JMJD1C: variants seen among roughly 807,000 people sequenced by gnomAD.
The protein encoded by JMJD1C is jumonji domain containing 1C.
A neutral mutation model predicts 245.3 loss-of-function variants in JMJD1C; 31 were observed. The observed-to-expected ratio is 0.13, with a 90% confidence interval of 0.09 to 0.17. JMJD1C has a LOEUF of 0.17. Among genes scored for constraint, JMJD1C ranks in the 10% least tolerant of loss-of-function variants. JMJD1C has a pLI of 1.00. For missense variants in JMJD1C, 2,691 were observed against 3,000.2 expected (o/e 0.90, Z 2.41); for synonymous variants, 1,057 against 1,017.4 (o/e 1.04, Z -0.74).
At chr10:63,295,714 T>C (rs1859296201) in intron 2 of JMJD1C, among the ~76,000 whole-genome samples, 1 of 152,052 alleles carries the variant, frequency 6.6e-6, no homozygotes, top group South Asian at 2.1e-4. Context: ...TTGTTATGCA[T>C]GGTAGTTACG....
chr10:63,498,097 C>A (rs1954418444), intron 1 of JMJD1C, among the ~76,000 whole-genome samples: 1 of 152,040 alleles, frequency 6.6e-6, no homozygotes, highest in Non-Finnish European at 1.5e-5. Context: ...TATACTACAG[C>A]AATGAAATCA....
At position 63,358,082 on chromosome 10, in the gene JMJD1C, G is replaced by A. The variant is rs543042776; in HGVS notation, c.333+22236C>T. Among the ~76,000 whole-genome samples the A allele has an allele frequency of 4.9e-3, 752 of 152,070 alleles. 7 individuals carry two copies. Among genetic ancestry groups the A allele is most frequent in the Middle Eastern group, 0.014 (4 of 292 alleles). Reference sequence around the variant, plus strand: ...CTTGGCTGTTTTGAATTACAATAATGAAAAAGTGAAAATCCCAAGTAATTC... The same window carrying A: ...CTTGGCTGTTTTGAATTACAATAATAAAAAAGTGAAAATCCCAAGTAATTC... On this transcript the variant is annotated intron_variant, in intron 2 of 25. Coordinates refer to ENST00000399262, the MANE Select transcript of JMJD1C (RefSeq NM_032776.3).
intron 2 of JMJD1C, among the ~76,000 whole-genome samples, chr10:63,374,868 T>A (rs1946597534): frequency 6.6e-6 from 1 of 152,208 alleles, no homozygotes; most frequent in Non-Finnish European, 1.5e-5. Context: ...GCAGAGATTT[T>A]GTACTTGCTA....
chr10:63,288,263 A>G (rs1484284453), intron 2 of JMJD1C, among the ~76,000 whole-genome samples: 3 of 152,192 alleles, frequency 2.0e-5, no homozygotes, highest in Non-Finnish European at 4.4e-5. Flanking sequence ...TAGCCTTTTC[A>G]GATTGGCTTC....
chr10:63,386,537 G>A (rs909016433), intron 1 of JMJD1C, among the ~76,000 whole-genome samples: 3 of 152,194 alleles, frequency 2.0e-5, no homozygotes, highest in Non-Finnish European at 2.9e-5. Flanking sequence ...ATTGCTCAGG[G>A]TCTGGAGATT....
At chr10:63,439,234 G>T (rs971425040) in intron 1 of JMJD1C, among the ~76,000 whole-genome samples, 2 of 152,132 alleles carry the variant, frequency 1.3e-5, no homozygotes, top group African/African-American at 4.8e-5. Flanking sequence ...TTATAAAGCT[G>T]TATTTTTAGA....
intron 2 of JMJD1C, among the ~76,000 whole-genome samples, chr10:63,344,656 AC>A (rs1383744464): frequency 6.6e-6 from 1 of 152,212 alleles, no homozygotes; most frequent in Non-Finnish European, 1.5e-5. Flanking sequence ...AAGAGGACAT[AC>A]ATTCAAAGTT....
chr10:63,376,552 T>C (rs1026645964), intron 2 of JMJD1C, among the ~76,000 whole-genome samples: 12 of 152,098 alleles, frequency 7.9e-5, no homozygotes, highest in African/African-American at 2.2e-4. Flanking sequence ...CAAGAATACA[T>C]AGAGAAATCC....
chr10:63,240,739 T>G (rs984446289), intron 3 of JMJD1C, among the ~76,000 whole-genome samples: 1 of 152,126 alleles, frequency 6.6e-6, no homozygotes, highest in Admixed American at 6.5e-5. Flanking sequence ...GGCTTAAGAT[T>G]TGGTAAACTT....
chr10:63,263,988 A>T (rs1003413417), intron 3 of JMJD1C, among the ~76,000 whole-genome samples: 15 of 149,088 alleles, frequency 1.0e-4, no homozygotes, highest in East Asian at 7.8e-4. Context: ...ACACACACAC[A>T]CACACACACA....
chr10:63,278,345 G>GAATAATAATAATAAT (rs59676296), intron 2 of JMJD1C, among the ~76,000 whole-genome samples: 130 of 142,956 alleles, frequency 9.1e-4, no homozygotes, highest in Non-Finnish European at 1.2e-3. Context: ...AATTAAAAGA[G>GAATAATAATAATAAT]AATAATAATA....
chr10:63,337,524 G>A (rs1318250506), intron 2 of JMJD1C, among the ~76,000 whole-genome samples: 1 of 81,422 alleles, frequency 1.2e-5, no homozygotes, highest in Non-Finnish European at 2.3e-5. Flanking sequence ...AGAAGGGAGG[G>A]GAAGGGAGGG....
chr10:63,178,760 T>C (rs1443803409), intron 22 of JMJD1C, among the ~76,000 whole-genome samples: 1 of 152,220 alleles, frequency 6.6e-6, no homozygotes, highest in Non-Finnish European at 1.5e-5. Flanking sequence ...CTAAAATTCC[T>C]ACACGTATGT....
At chr10:63,191,193 G>A (rs558544924) in intron 16 of JMJD1C, 85 bp from the exon 17 acceptor site, 16 of 1,029,778 alleles carry the variant, frequency 1.6e-5, no homozygotes, top group African/African-American at 7.9e-5. Context: ...GTGCAGTGGC[G>A]TGACCTCGGC....
At chr10:63,501,064 A>T (rs967096907) in intron 1 of JMJD1C, among the ~76,000 whole-genome samples, 1 of 152,232 alleles carries the variant, frequency 6.6e-6, no homozygotes, top group Non-Finnish European at 1.5e-5. Context: ...AAAACTGAGT[A>T]AAGTGCCCAA....
rs751325538 is a variant in JMJD1C at position 63,207,901 on chromosome 10, T to C, written c.3768A>G (p.Glu1256=). ...ESQKPPTLIP[E]PKDSQANFKS... ...TAAAATTTGCCTGGGAGTCTTTTGG[T>C]TCGGGTATTAGAGTTGGAGGCTTCT... The change falls in exon 10 of 26, where the codon GAA becomes GAG. Residue 1256 remains glutamate, a synonymous_variant. Transcript: ENST00000399262. 6.2e-7 allele frequency: 1 copy of C among 1,614,006 alleles called. No homozygotes were observed. The highest frequency in any genetic ancestry group is 2.2e-5 in the East Asian group (1 of 44,890).
intron 1 of JMJD1C, among the ~76,000 whole-genome samples, chr10:63,514,591 CATA>C (rs1290483609): frequency 6.6e-6 from 1 of 151,624 alleles, no homozygotes; most frequent in Non-Finnish European, 1.5e-5. Context: ...TACTCACTGA[CATA>C]ATGATGGCAA....
At chr10:63,416,953 AC>A (rs1687233115) in intron 1 of JMJD1C, among the ~76,000 whole-genome samples, 2 of 152,228 alleles carry the variant, frequency 1.3e-5, no homozygotes, top group South Asian at 4.1e-4. Flanking sequence ...TTTATCATTT[AC>A]TAGTCTGAAA....
chr10:63,410,799 C>G (rs1172363080), intron 1 of JMJD1C, among the ~76,000 whole-genome samples: 1 of 152,214 alleles, frequency 6.6e-6, no homozygotes, highest in Non-Finnish European at 1.5e-5. Context: ...AAGAGAACTC[C>G]AGAGCTCTAA....
Sources: gnomAD v4.1 joint callset for allele counts (sites outside exome capture counted in the v4.1 genomes callset) on GRCh38, gnomAD v4.1.1 for gene constraint, MANE v1.5 for transcripts, NCBI Gene and HGNC (gene_info 2026-07-23, HGNC 2026-07-21) for gene names.